Variants in MAF observed in about 807,000 individuals in gnomAD.
The protein encoded by MAF is transcription factor Maf.
MAF carries 10 observed loss-of-function variants against 22.0 expected under a neutral mutation model. That is an observed-to-expected ratio of 0.45 (90% CI 0.28 to 0.77). MAF has a LOEUF of 0.77. Among genes scored for constraint, MAF ranks in the 30% least tolerant of loss-of-function variants. The probability of loss-of-function intolerance (pLI) is 0.12; values close to 1 mark genes in which losing one functional copy is unlikely to be tolerated. For synonymous variants in MAF, 337 were observed against 255.8 expected (o/e 1.32, Z -3.03); for missense variants, 544 against 548.4 (o/e 0.99, Z 0.08).
chr16:79,229,987 G>C, the MAF span, among the ~76,000 whole-genome samples: 7 of 150,276 alleles, frequency 4.7e-5, no homozygotes, highest in South Asian at 1.5e-3. Context: ...CAATTTGCAG[G>C]ATAGTTGCTT....
the MAF span, among the ~76,000 whole-genome samples, chr16:79,269,966 C>G: frequency 2.0e-5 from 3 of 152,154 alleles, no homozygotes; most frequent in Admixed American, 6.5e-5. Context: ...ATTCATCTCT[C>G]AAGAAATGAA....
the MAF span, among the ~76,000 whole-genome samples, chr16:79,225,868 G>A: frequency 1.3e-5 from 2 of 152,160 alleles, no homozygotes; most frequent in African/African-American, 4.8e-5. Flanking sequence ...TCATTAAAAA[G>A]TCAGGAAAGA....
chr16:79,501,761 C>A, the MAF span, among the ~76,000 whole-genome samples: 3 of 152,076 alleles, frequency 2.0e-5, no homozygotes, highest in African/African-American at 7.2e-5. Flanking sequence ...CTTTGAAATC[C>A]CCTTCGGCAC....
chr16:79,389,616 T>C, the MAF span, among the ~76,000 whole-genome samples: 1 of 152,108 alleles, frequency 6.6e-6, no homozygotes, highest in Non-Finnish European at 1.5e-5. Flanking sequence ...AATAAAACAT[T>C]TTTCTTTTTT....
chr16:79,448,757 A>T, the MAF span, among the ~76,000 whole-genome samples: 6 of 121,856 alleles, frequency 4.9e-5, no homozygotes, highest in Non-Finnish European at 8.0e-5. Flanking sequence ...TATACATTTA[A>T]AAAAAAAAAC....
chr16:79,411,525 G>A, the MAF span, among the ~76,000 whole-genome samples: 1 of 152,180 alleles, frequency 6.6e-6, no homozygotes. Flanking sequence ...TGAGAGCCCT[G>A]CAGGGGTCTG....
the MAF span, among the ~76,000 whole-genome samples, chr16:79,511,090 C>T: frequency 1.4e-5 from 1 of 70,486 alleles, no homozygotes; most frequent in Non-Finnish European, 3.1e-5. Context: ...ATGAGAATCT[C>T]CCCGCGCACA....
chr16:79,564,894 G>A, the MAF span, among the ~76,000 whole-genome samples: 1 of 152,148 alleles, frequency 6.6e-6, no homozygotes, highest in Non-Finnish European at 1.5e-5. Flanking sequence ...TTGCTCTTAC[G>A]AAGGAATAAA....
the MAF span, among the ~76,000 whole-genome samples, chr16:79,301,662 C>T: frequency 1.3e-3 from 193 of 152,052 alleles, 1 homozygote; most frequent in African/African-American, 4.5e-3. Flanking sequence ...TACATATATG[C>T]ATGCATATAA....
the MAF span, among the ~76,000 whole-genome samples, chr16:79,327,064 C>T: frequency 3.3e-5 from 5 of 152,226 alleles, no homozygotes; most frequent in Non-Finnish European, 7.3e-5. Flanking sequence ...TACTGTACTT[C>T]ACAGCCCCAG....
chr16:79,405,965 G>A, the MAF span, among the ~76,000 whole-genome samples: 1 of 152,188 alleles, frequency 6.6e-6, no homozygotes, highest in Admixed American at 6.5e-5. Context: ...TTCTTTGGCT[G>A]CAGAAGCCCA....
At chr16:79,485,364 C>T in the MAF span, among the ~76,000 whole-genome samples, 1 of 152,232 alleles carries the variant, frequency 6.6e-6, no homozygotes, top group Admixed American at 6.5e-5. Context: ...CTGCTCTTTC[C>T]TTCTCTGTCA....
chr16:79,211,665 G>T, the MAF span: 2 of 1,614,190 alleles, frequency 1.2e-6, no homozygotes, highest in Admixed American at 1.7e-5. Context: ...GGAGGGTCTG[G>T]GAGGGATGTA....
the MAF span, among the ~76,000 whole-genome samples, chr16:79,466,347 G>A: frequency 6.6e-6 from 1 of 152,164 alleles, no homozygotes; most frequent in African/African-American, 2.4e-5. Flanking sequence ...GTCCATTAAT[G>A]CCATCCTGAA....
chr16:79,291,619 A>G, the MAF span, among the ~76,000 whole-genome samples: 1 of 151,514 alleles, frequency 6.6e-6, no homozygotes, highest in South Asian at 2.1e-4. Context: ...ACTCTGACCT[A>G]TGCAGGGAGA....
chr16:79,449,291 A>C, the MAF span, among the ~76,000 whole-genome samples: 2 of 152,218 alleles, frequency 1.3e-5, no homozygotes, highest in Admixed American at 1.3e-4. Flanking sequence ...CTAACAGGCC[A>C]TGGGCCACTG....
the MAF span, among the ~76,000 whole-genome samples, chr16:79,350,225 G>A: frequency 4.6e-5 from 7 of 152,166 alleles, no homozygotes; most frequent in African/African-American, 1.7e-4. Flanking sequence ...AGCTATGCTT[G>A]TTGGTGAAAT....
the MAF span, among the ~76,000 whole-genome samples, chr16:79,484,717 GCCT>G: frequency 6.6e-6 from 1 of 152,196 alleles, no homozygotes; most frequent in Non-Finnish European, 1.5e-5. Context: ...GCTCACACTG[GCCT>G]GCTGGTGATG....
chr16:79,240,104 A>G, the MAF span, among the ~76,000 whole-genome samples: 2 of 151,880 alleles, frequency 1.3e-5, no homozygotes, highest in Non-Finnish European at 2.9e-5. Context: ...AAGGTGATAG[A>G]GCCCAGAATG....
Sources: allele counts gnomAD v4.1 joint callset (sites outside exome capture counted in the v4.1 genomes callset), GRCh38; gene constraint gnomAD v4.1.1; transcripts MANE v1.5; gene names NCBI Gene and HGNC (gene_info 2026-07-23, HGNC 2026-07-21).